LIG4: variants seen among roughly 807,000 people sequenced by gnomAD.
LIG4 encodes DNA joinase.
Under a neutral mutation model 19.0 loss-of-function variants are expected in LIG4, and 13 were observed. The ratio of observed to expected loss-of-function variants is 0.68; its 90% CI spans 0.44 to 1.09. The LOEUF is 1.09. Ranked by LOEUF, LIG4 falls within the 50% of genes least tolerant of loss-of-function variation. LIG4 has a pLI of 0.00. For missense variants in LIG4, 1,026 were observed against 1,089.7 expected, an observed-to-expected ratio of 0.94 and a Z score of 0.82; for synonymous variants, 361 against 358.2, an observed-to-expected ratio of 1.01 and a Z score of -0.09.
In LIG4 at chr13:108,209,737, G is replaced by C. The variant is rs377661143; in HGVS notation, c.1532C>G (p.Thr511Ser). ...HTLSRVGSGC[T>S]MKELYDLGLK... ...ACCCAGATCATACAGTTCTTTCATGGTGCAGCCAGACCCAACACGAGAGAG... is the reference window on the plus strand; with the variant it reads ...ACCCAGATCATACAGTTCTTTCATGCTGCAGCCAGACCCAACACGAGAGAG... The change falls in exon 3 of 3, where the codon ACC becomes AGC. Residue 511 changes from threonine (T) to serine (S), a missense_variant. Thr to Ser is a moderately conservative substitution (Grantham distance 58). Around this residue, in one of 3 missense-constraint regions of LIG4, gnomAD observed 521 missense variants for 515.5 expected, o/e 1.01. Coordinates refer to ENST00000442234, the MANE Select transcript of LIG4 (RefSeq NM_206937.2). 1.5e-5 allele frequency: 25 copies of C among 1,613,790 alleles called. No homozygotes were observed. The highest frequency in any genetic ancestry group is 2.1e-5 in the Non-Finnish European group (25 of 1,179,914).
chr13:108,213,430 C>T (rs1239642369), intron 2 of LIG4, among the ~76,000 whole-genome samples: 1 of 152,202 alleles, frequency 6.6e-6, no homozygotes, highest in Non-Finnish European at 1.5e-5. Flanking sequence ...CAGGCAAGGA[C>T]TTAAATTACT....
At position 108,208,987 on chromosome 13, in the gene LIG4, T is replaced by A. The variant is rs1365474542; in HGVS notation, c.2282A>T (p.Tyr761Phe). The change falls in exon 3 of 3, where the codon TAT becomes TTT. Residue 761 changes from tyrosine (Y) to phenylalanine (F), a missense_variant. Around this residue, in one of 3 missense-constraint regions of LIG4, gnomAD observed 521 missense variants for 515.5 expected, o/e 1.01. Coordinates refer to ENST00000442234, the MANE Select transcript of LIG4 (RefSeq NM_206937.2). ...TGTATCAATGAAATAACTATCACCATAGCAATCATATTCACGGGCAAAATG... is the reference window on the plus strand; with the variant it reads ...TGTATCAATGAAATAACTATCACCAAAGCAATCATATTCACGGGCAAAATG... ...KEHFAREYDC[Y>F]GDSYFIDTDL... is the part of the protein sequence containing the mutation. 1.2e-6 allele frequency: 2 copies of A among 1,614,112 alleles called. No homozygotes were observed. The highest frequency in any genetic ancestry group is 1.1e-5 in the South Asian group (1 of 91,084).
At position 108,210,600 on chromosome 13, in the gene LIG4, T is replaced by A; in HGVS notation, c.669A>T (p.Lys223Asn). The change falls in exon 3 of 3, where the codon AAA (lysine) becomes AAT (asparagine). Residue 223 changes from lysine (K) to asparagine (N), a missense_variant. Physicochemically the swap from Lys to Asn is moderately conservative, Grantham distance 94 (BLOSUM62 0). Coordinates refer to ENST00000442234, the MANE Select transcript of LIG4 (RefSeq NM_206937.2). ...ELHNVTTDLEKVCRQLHDPSV... is the reference protein window; with the variant it reads ...ELHNVTTDLENVCRQLHDPSV... ...AAGGATCATGCAGTTGCCTACAGAC[T>A]TTTTCCAGATCTGTAGTGACATTAT... 6.2e-7 allele frequency: 1 copy of A among 1,613,078 alleles called. No individual in the cohort carries two copies. Among genetic ancestry groups the A allele is most frequent in the Non-Finnish European group, 8.5e-7 (1 of 1,179,800 alleles).
Position 108,210,288 on chromosome 13 carries a change from A to C in LIG4, c.981T>G (p.Ile327Met). The stretch of plus-strand genomic sequence containing the variant: ...TATAGGCCATCATCTCACCATCAAG[A>C]ATACAGATTTGTATATCTGCTTTGA... ...NAFKADIQICILDGEMMAYNP... is the reference protein window; with the variant it reads ...NAFKADIQICMLDGEMMAYNP... Residue 327 changes from isoleucine to methionine, a missense_variant, in exon 3 of 3, where the codon ATT becomes ATG. Transcript: ENST00000442234. The C allele has an allele frequency of 1.2e-6, 2 of 1,614,010 alleles. No homozygotes were observed. The highest frequency in any genetic ancestry group is 3.3e-5 in the Admixed American group (2 of 60,030).
chr13:108,211,320 C>CT (rs1209046887), intron 2 of LIG4, 24 bp from the exon 3 acceptor site: 3 of 1,292,312 alleles, frequency 2.3e-6, no homozygotes, highest in African/African-American at 2.9e-5. Context: ...AAGAGAATAA[C>CT]TTTAAGTAAA....
Position 108,211,136 on chromosome 13 carries a change from A to T in LIG4, c.133T>A (p.Ser45Thr), listed in dbSNP as rs750792110. The T allele has an allele frequency of 6.2e-7, 1 of 1,611,990 alleles. No individual in the cohort carries two copies. The highest frequency in any genetic ancestry group is 1.1e-5 in the South Asian group (1 of 90,918). The change falls in exon 3 of 3, where the codon TCT (serine) becomes ACT (threonine). Residue 45 changes from serine to threonine, a missense_variant. Around this residue, in one of 3 missense-constraint regions of LIG4, gnomAD observed 493 missense variants for 544.5 expected, o/e 0.91. Coordinates refer to ENST00000442234, the MANE Select transcript of LIG4 (RefSeq NM_206937.2). ...AGAGCATCATGAAATTTTCTCCAAG[A>T]ATCTAAAAATTCCCTGAAGTGTCTG... ...KIRHFREFLD[S>T]WRKFHDALHK...
chr13:108,209,705 A>G lies in LIG4; in HGVS notation c.1564T>C (p.Leu522=), dbSNP rs752670480. ...MKELYDLGLK[L]AKYWKPFHRK... Reference sequence around the variant, plus strand: ...TGAAAAGGCTTCCAATACTTGGCCAATTTCAAACCCAGATCATACAGTTCT... The same window carrying G: ...TGAAAAGGCTTCCAATACTTGGCCAGTTTCAAACCCAGATCATACAGTTCT... Residue 522 remains leucine, a synonymous_variant, in exon 3 of 3, where the codon TTG becomes CTG. Transcript: ENST00000442234. The G allele has an allele frequency of 3.1e-6, 5 of 1,614,074 alleles. No individual in the cohort carries two copies. Among genetic ancestry groups the G allele is most frequent in the Middle Eastern group, 1.6e-4 (1 of 6,062 alleles).
rs1435683343 is a variant in LIG4, at chr13:108,208,550, TTTC to T, written c.2716_2718del (p.Glu906del). Reference sequence around the variant, plus strand: ...ACCTAGCTTTAAATCAAATACTGGTTTTCTTCTTGTAATTCACACTTGTCTATT... The same window carrying T: ...ACCTAGCTTTAAATCAAATACTGGTTTTCTTGTAATTCACACTTGTCTATT... On this transcript the variant is annotated inframe_deletion, in exon 3 of 3. Coordinates refer to ENST00000442234, the MANE Select transcript of LIG4 (RefSeq NM_206937.2). The T allele has an allele frequency of 1.2e-6, 2 of 1,610,044 alleles. No homozygotes were observed. Among genetic ancestry groups the T allele is most frequent in the African/African-American group, 2.7e-5 (2 of 74,816 alleles).
chr13:108,210,220 T>G lies in LIG4; in HGVS notation c.1049A>C (p.Asp350Ala). The G allele has an allele frequency of 1.9e-6, 3 of 1,613,528 alleles. No homozygotes were observed. The highest frequency in any genetic ancestry group is 1.3e-5 in the African/African-American group (1 of 75,038). Residue 350 changes from aspartate to alanine, a missense_variant, in exon 3 of 3, where the codon GAT becomes GCT. Asp to Ala is a moderately radical substitution (Grantham distance 126). Around this residue, in one of 3 missense-constraint regions of LIG4, gnomAD observed 493 missense variants for 544.5 expected, o/e 0.91. Transcript: ENST00000442234. ...QTFMQKGTKFDIKRMVEDSDL... is the reference protein window; with the variant it reads ...QTFMQKGTKFAIKRMVEDSDL... ...AGAATCCTCTACCATTCTTTTAATATCAAACTTAGTTCCCTTTTGCATGAA... is the reference window on the plus strand; with the variant it reads ...AGAATCCTCTACCATTCTTTTAATAGCAAACTTAGTTCCCTTTTGCATGAA...
chr13:108,216,147 T>G (rs1879279183), upstream of LIG4, among the ~76,000 whole-genome samples: 1 of 152,194 alleles, frequency 6.6e-6, no homozygotes, highest in Non-Finnish European at 1.5e-5. Flanking sequence ...TAAAGTTATT[T>G]AACAAACCTT....
At position 108,208,291 on chromosome 13, in the gene LIG4, T is replaced by C. The variant is rs886049946; in HGVS notation, c.*242A>G. 19 of 413,390 alleles carry C rather than the reference T, an allele frequency of 4.6e-5. No individual in the cohort carries two copies. Among genetic ancestry groups the C allele is most frequent in the Non-Finnish European group, 7.4e-5 (17 of 229,536 alleles). 25.6% of individuals were successfully genotyped at this position (413,390 alleles called of 1,614,324 possible). ...AAAAACACCTCTTCTTTAGACTGTT[T>C]ATTTCACCTTGATCATAAAAAATCA... On this transcript the variant is annotated 3_prime_UTR_variant, in exon 3 of 3. Transcript: ENST00000442234.
At position 108,211,106 on chromosome 13, in the gene LIG4, T is replaced by G; in HGVS notation, c.163A>C (p.Lys55Gln). Reference protein sequence around the residue: ...SWRKFHDALHKNHKDVTDSFY... With the variant: ...SWRKFHDALHQNHKDVTDSFY... The stretch of plus-strand genomic sequence containing the variant: ...GAGTCTGTGACATCTTTGTGGTTCT[T>G]ATGAAGAGCATCATGAAATTTTCTC... Residue 55 changes from lysine to glutamine, a missense_variant, in exon 3 of 3, where the codon AAG (lysine) becomes CAG (glutamine). Lys to Gln is a moderately conservative substitution (Grantham distance 53). Around this residue, in one of 3 missense-constraint regions of LIG4, gnomAD observed 493 missense variants for 544.5 expected, o/e 0.91. Coordinates refer to ENST00000442234, the MANE Select transcript of LIG4 (RefSeq NM_206937.2). The G allele has an allele frequency of 6.2e-7, 1 of 1,611,068 alleles. No individual in the cohort carries two copies. The highest frequency in any genetic ancestry group is 8.5e-7 in the Non-Finnish European group (1 of 1,177,856).
chr13:108,217,928 AT>A (rs1879394720), upstream of LIG4, among the ~76,000 whole-genome samples: 1 of 152,152 alleles, frequency 6.6e-6, no homozygotes, highest in African/African-American at 2.4e-5. Flanking sequence ...AGGTGTTCCC[AT>A]GGTCGTGTAC....
At chr13:108,215,800 A>G (rs935234656), upstream of LIG4, among the ~76,000 whole-genome samples, 1 of 152,020 alleles carries the variant, frequency 6.6e-6, no homozygotes, top group Non-Finnish European at 1.5e-5. Context: ...ACCTAAGATC[A>G]CTTTGTGCTC....
intron 2 of LIG4, among the ~76,000 whole-genome samples, chr13:108,211,809 TC>T (rs1258616554): frequency 1.3e-5 from 2 of 152,126 alleles, no homozygotes; most frequent in Non-Finnish European, 2.9e-5. Context: ...AAATTTGACT[TC>T]CTAGAAATCC....
rs1878579912 is a variant in LIG4, at chr13:108,210,865, G to A, written c.404C>T (p.Pro135Leu). 1 of 1,613,912 alleles carries A rather than the reference G, an allele frequency of 6.2e-7. No homozygotes were observed. Among genetic ancestry groups the A allele is most frequent in the African/African-American group, 1.3e-5 (1 of 74,986 alleles). Residue 135 changes from proline (P) to leucine (L), a missense_variant, in exon 3 of 3, where the codon CCA (proline) becomes CTA (leucine). Physicochemically the swap from Pro to Leu is moderately conservative, Grantham distance 98. Coordinates refer to ENST00000442234, the MANE Select transcript of LIG4 (RefSeq NM_206937.2). ...TAAACTTCCTTTCTGTAAACATCTTGGCTTCAACACAAAATATGCAATCAT... is the reference window on the plus strand; with the variant it reads ...TAAACTTCCTTTCTGTAAACATCTTAGCTTCAACACAAAATATGCAATCAT... ...FAMIAYFVLK[P>L]RCLQKGSLTI...
chr13:108,210,428 T>C lies in LIG4; in HGVS notation c.841A>G (p.Met281Val). Residue 281 changes from methionine (M) to valine (V), a missense_variant, in exon 3 of 3, where the codon ATG becomes GTG. Transcript: ENST00000442234. ...TTATATACATCTCCATCTTTGTGCATTTGCATACGTTCACCATCTAGCTTG... is the reference window on the plus strand; with the variant it reads ...TTATATACATCTCCATCTTTGTGCACTTGCATACGTTCACCATCTAGCTTG... ...ETKLDGERMQMHKDGDVYKYF... is the reference protein window; with the variant it reads ...ETKLDGERMQVHKDGDVYKYF... The C allele has an allele frequency of 6.2e-7, 1 of 1,613,566 alleles. No homozygotes were observed. The highest frequency in any genetic ancestry group is 2.2e-5 in the East Asian group (1 of 44,866).
rs774242570 is a variant in LIG4 at position 108,209,736 on chromosome 13, GGTGCAGCCA to G, written c.1524_1532del (p.Gly509_Thr511del). On this transcript the variant is annotated inframe_deletion, in exon 3 of 3. Coordinates refer to ENST00000442234, the MANE Select transcript of LIG4 (RefSeq NM_206937.2). ...AACCCAGATCATACAGTTCTTTCAT[GGTGCAGCCA>G]GACCCAACACGAGAGAGAGTATGAA... 3.0e-5 allele frequency: 48 copies of G among 1,613,888 alleles called. No individual in the cohort carries two copies. Among genetic ancestry groups the G allele is most frequent in the Non-Finnish European group, 4.1e-5 (48 of 1,179,998 alleles).
intron 2 of LIG4, 109 bp from the exon 3 acceptor site, chr13:108,211,405 G>A (rs1878657036): frequency 1.4e-6 from 1 of 723,210 alleles, no homozygotes; most frequent in Non-Finnish European, 2.3e-6. Context: ...GTTTATTAAT[G>A]TTTACTAAAA....
Sources: allele counts gnomAD v4.1 joint callset (sites outside exome capture counted in the v4.1 genomes callset), GRCh38; gene constraint gnomAD v4.1.1; regional missense constraint gnomAD v4.1.1; transcripts MANE v1.5; gene names NCBI Gene and HGNC (gene_info 2026-07-23, HGNC 2026-07-21).